The following DACH2 variants were observed in gnomAD, a reference collection of about 807,000 sequenced individuals.
DACH2 encodes the protein dachshund family transcription factor 2.
DACH2 carries 17 observed loss-of-function variants against 35.8 expected under a neutral mutation model. The ratio of observed to expected loss-of-function variants is 0.48; its 90% confidence interval spans 0.33 to 0.71. The LOEUF is 0.71. Among genes scored for constraint, DACH2 ranks in the 30% least tolerant of loss-of-function variants. The pLI, the probability that DACH2 is intolerant of heterozygous loss-of-function variation, is 0.02. For missense variants in DACH2, 469 were observed against 472.7 expected (o/e 0.99, Z 0.07); for synonymous variants, 195 against 177.3 (o/e 1.10, Z -0.79).
intron 2 of DACH2, among the ~76,000 whole-genome samples, chrX:86,451,825 G>A (rs757503218): frequency 9.0e-6 from 1 of 110,697 alleles, no homozygotes; most frequent in South Asian, 3.8e-4. Flanking sequence ...CTTCCTGTTG[G>A]GATGCTCTTT....
At position 86,253,269 on chromosome X, in the gene DACH2, A is replaced by G. The variant is rs181504300; in HGVS notation, c.488+104161A>G. Among the ~76,000 whole-genome samples the G allele has an allele frequency of 5.4e-5, 6 of 111,848 alleles. No individual in the cohort carries two copies. In the East Asian group the frequency reaches 1.7e-3, roughly 31 times the overall value. ...AAACTACAAAACAGTGCTGAAAGAA[A>G]TCATAGACGACACAAACAAATGGAA... is the stretch of plus-strand genomic sequence containing the variant. On this transcript the variant is annotated intron_variant, in intron 1 of 11. Transcript: ENST00000373125.
intron 7 of DACH2, chrX:86,798,994 C>T: frequency 4.4e-6 from 1 of 226,362 alleles, no homozygotes; most frequent in Non-Finnish European, 8.1e-6. Flanking sequence ...GAATTTTTTT[C>T]CTACTGAGCA....
chrX:86,241,223 C>A (rs760137137), intron 1 of DACH2, among the ~76,000 whole-genome samples: 5 of 111,590 alleles, frequency 4.5e-5, no homozygotes, highest in Non-Finnish European at 9.4e-5. Flanking sequence ...TGGTTTTAAC[C>A]AAAATACTGA....
chrX:86,761,190 C>T (rs1048880908), intron 7 of DACH2, among the ~76,000 whole-genome samples: 6 of 110,546 alleles, frequency 5.4e-5, no homozygotes, highest in Non-Finnish European at 9.4e-5. Flanking sequence ...TGCTCTCCCT[C>T]CCCTTTCCCC....
intron 1 of DACH2, chrX:86,304,802 G>T (rs1483501163): frequency 6.8e-4 from 105 of 155,239 alleles, no homozygotes; most frequent in Non-Finnish European, 2.9e-4. Flanking sequence ...CCAGTACTTT[G>T]CAGAGACCCA....
chrX:86,160,665 C>T, intron 1 of DACH2: 1 of 497,938 alleles, frequency 2.0e-6, no homozygotes, highest in Non-Finnish European at 3.6e-6. Context: ...CAACGAACAT[C>T]CTTGACAGAC....
At chrX:86,422,422 C>A (rs534949933) in intron 2 of DACH2, among the ~76,000 whole-genome samples, 3 of 110,811 alleles carry the variant, frequency 2.7e-5, no homozygotes, top group Non-Finnish European at 5.7e-5. Context: ...AATTTTGGAA[C>A]CTTTTGTGAT....
At chrX:86,181,654 A>G (rs1239169698) in intron 1 of DACH2, among the ~76,000 whole-genome samples, 1 of 111,417 alleles carries the variant, frequency 9.0e-6, no homozygotes, top group African/African-American at 3.3e-5. Flanking sequence ...ATACGTGTGC[A>G]TGTGTCTATA....
chrX:86,331,053 A>G (rs1275627285), intron 1 of DACH2, among the ~76,000 whole-genome samples: 2 of 111,889 alleles, frequency 1.8e-5, no homozygotes, highest in Middle Eastern at 4.6e-3. Flanking sequence ...TTTTCACTAG[A>G]GAATTATGAT....
At chrX:86,412,489 C>A (rs1229993059) in intron 2 of DACH2, among the ~76,000 whole-genome samples, 1 of 111,774 alleles carries the variant, frequency 8.9e-6, no homozygotes, top group Non-Finnish European at 1.9e-5. Context: ...GTCATTCCGC[C>A]ATTCTATCAA....
rs1376391247 is a variant in DACH2 at position 86,636,003 on chromosome X, C to T, written c.641-15033C>T. On this transcript the variant is annotated intron_variant, in intron 3 of 11. Coordinates refer to ENST00000373125, the MANE Select transcript of DACH2 (RefSeq NM_053281.3). ...GCTATTCCTATTAAACTATCAATGA[C>T]ATTCTTCACAAACCCAGAGAAAACT... Among the ~76,000 whole-genome samples, 4 of 112,168 alleles carry T rather than the reference C, an allele frequency of 3.6e-5. No homozygotes were observed. In the Admixed American group the frequency reaches 3.8e-4, roughly 11 times the overall value.
At position 86,605,130 on chromosome X, in the gene DACH2, T is replaced by C. The variant is rs1385371569; in HGVS notation, c.641-45906T>C. On this transcript the variant is annotated intron_variant, in intron 3 of 11. Coordinates refer to ENST00000373125, the MANE Select transcript of DACH2 (RefSeq NM_053281.3). ...CAGAAACTGTGAAACAGTAATTTGA[T>C]TTGAATCAAGCAGTTTAGTCTGTTC... Among the ~76,000 whole-genome samples, 3 of 112,196 alleles carry C rather than the reference T, an allele frequency of 2.7e-5. No homozygotes were observed. In the Admixed American group the frequency reaches 2.8e-4, roughly 11 times the overall value.
chrX:86,433,146 T>G (rs745381227), intron 2 of DACH2, among the ~76,000 whole-genome samples: 1 of 111,934 alleles, frequency 8.9e-6, no homozygotes. Flanking sequence ...TTAAAAGTTT[T>G]TGGAACAATC....
intron 2 of DACH2, among the ~76,000 whole-genome samples, chrX:86,436,383 T>G (rs7049634): frequency 0.097 from 9,467 of 97,800 alleles, 524 homozygotes; most frequent in African/African-American, 0.21. Context: ...TATATATATA[T>G]AGAGAGAGAG....
intron 2 of DACH2, among the ~76,000 whole-genome samples, chrX:86,470,751 G>C (rs2037749089): frequency 9.0e-6 from 1 of 110,934 alleles, no homozygotes; most frequent in Non-Finnish European, 1.9e-5. Context: ...ATGTATTCAT[G>C]TATCAAAACT....
At chrX:86,725,300 T>C (rs2148468550) in intron 6 of DACH2, among the ~76,000 whole-genome samples, 1 of 111,805 alleles carries the variant, frequency 8.9e-6, no homozygotes, top group African/African-American at 3.2e-5. Context: ...TTTTTGAAAT[T>C]GCTTTTATAC....
At chrX:86,409,147 G>A (rs1213101704) in intron 2 of DACH2, among the ~76,000 whole-genome samples, 2 of 111,332 alleles carry the variant, frequency 1.8e-5, no homozygotes, top group Admixed American at 1.9e-4. Context: ...CTGGTGATTT[G>A]TTAAGTTATT....
intron 7 of DACH2, among the ~76,000 whole-genome samples, chrX:86,770,421 C>T (rs1221915256): frequency 9.0e-6 from 1 of 111,654 alleles, no homozygotes; most frequent in African/African-American, 3.3e-5. Context: ...TTTGACTTCC[C>T]TCTGGTTTCT....
chrX:86,331,054 G>C (rs1260243022), intron 1 of DACH2, among the ~76,000 whole-genome samples: 3 of 111,636 alleles, frequency 2.7e-5, no homozygotes, highest in Non-Finnish European at 5.7e-5. Flanking sequence ...TTTCACTAGA[G>C]AATTATGATT....
Sources: gnomAD v4.1 joint callset for allele counts (sites outside exome capture counted in the v4.1 genomes callset) on GRCh38, gnomAD v4.1.1 for gene constraint, MANE v1.5 for transcripts, NCBI Gene and HGNC (gene_info 2026-07-23, HGNC 2026-07-21) for gene names.